Variants in GRXCR2 observed in about 807,000 individuals in gnomAD.
GRXCR2 encodes the protein glutaredoxin and cysteine rich domain containing 2, also known as glutaredoxin domain-containing cysteine-rich protein 2.
Under a neutral mutation model 24.8 loss-of-function variants are expected in GRXCR2, and 23 were observed. That is an observed-to-expected ratio of 0.93 (90% confidence interval 0.67 to 1.32). The LOEUF is 1.32. GRXCR2 is among the 40% of genes most tolerant of loss of function. GRXCR2 has a pLI of 0.00. For missense variants in GRXCR2, 315 were observed against 303.4 expected (o/e 1.04, Z -0.28); for synonymous variants, 130 against 116.1 (o/e 1.12, Z -0.77).
intron 2 of GRXCR2, among the ~76,000 whole-genome samples, chr5:145,879,464 C>T (rs1006458335): frequency 1.1e-4 from 16 of 151,272 alleles, no homozygotes; most frequent in African/African-American, 2.7e-4. Context: ...AAGGCCATTA[C>T]ATAATGGTAA....
intron 2 of GRXCR2, among the ~76,000 whole-genome samples, chr5:145,879,971 A>G (rs1007273234): frequency 6.6e-6 from 1 of 152,224 alleles, no homozygotes; most frequent in African/African-American, 2.4e-5. Context: ...TGAAGGCAGA[A>G]ATAAAGATGT....
intron 2 of GRXCR2, among the ~76,000 whole-genome samples, chr5:145,894,475 C>A (rs918910267): frequency 1.3e-5 from 2 of 152,140 alleles, no homozygotes; most frequent in African/African-American, 4.8e-5. Context: ...CACAGAAATA[C>A]AAACTACCAT....
At chr5:145,905,641 A>C (rs1403878240) in intron 2 of GRXCR2, among the ~76,000 whole-genome samples, 1 of 152,192 alleles carries the variant, frequency 6.6e-6, no homozygotes, top group Non-Finnish European at 1.5e-5. Context: ...AGATGGAGGG[A>C]ATAAATAATT....
At position 145,871,076 on chromosome 5, in the gene GRXCR2, A is replaced by G. The variant is rs72816454; in HGVS notation, c.336+1557T>C. 4.1e-3 allele frequency among the ~76,000 whole-genome samples: 626 copies of G among 152,214 alleles called. 2 individuals carry two copies. Among genetic ancestry groups the G allele is most frequent in the Non-Finnish European group, 6.7e-3 (455 of 68,024 alleles). ...ACAGATGAGACCCTGTCTCTAAAAAAGAAAAAAAAAATTATACATTTTCAT... is the reference window on the plus strand; with the variant it reads ...ACAGATGAGACCCTGTCTCTAAAAAGGAAAAAAAAAATTATACATTTTCAT... On this transcript the variant is annotated intron_variant, in intron 1 of 2. Transcript: ENST00000377976.
At chr5:145,924,538 G>A (rs752288083) in intron 2 of GRXCR2, among the ~76,000 whole-genome samples, 6 of 152,038 alleles carry the variant, frequency 3.9e-5, no homozygotes, top group Non-Finnish European at 7.4e-5. Flanking sequence ...TCTACTGAAC[G>A]GAACCAAAAA....
chr5:145,874,435 C>T (rs1483628708), upstream of GRXCR2, among the ~76,000 whole-genome samples: 2 of 152,090 alleles, frequency 1.3e-5, no homozygotes, highest in Non-Finnish European at 2.9e-5. Flanking sequence ...ATCTCTTGAC[C>T]TCGTGATCCG....
intron 2 of GRXCR2, among the ~76,000 whole-genome samples, chr5:145,880,308 T>C (rs1471197718): frequency 4.6e-5 from 7 of 151,348 alleles, no homozygotes; most frequent in Non-Finnish European, 1.0e-4. Context: ...GCAAGACTAA[T>C]AAAGAAGAAA....
intron 2 of GRXCR2, among the ~76,000 whole-genome samples, chr5:145,925,709 T>C (rs1757383651): frequency 1.3e-5 from 2 of 152,136 alleles, no homozygotes; most frequent in African/African-American, 4.8e-5. Context: ...AACAAGTGAG[T>C]AAATAATGAA....
At chr5:145,916,877 A>G (rs926594569) in intron 2 of GRXCR2, among the ~76,000 whole-genome samples, 3 of 152,166 alleles carry the variant, frequency 2.0e-5, no homozygotes, top group Non-Finnish European at 4.4e-5. Context: ...GACCACTGTC[A>G]TCACCTTTTT....
At chr5:145,901,685 T>G (rs1757023290) in intron 2 of GRXCR2, among the ~76,000 whole-genome samples, 1 of 151,996 alleles carries the variant, frequency 6.6e-6, no homozygotes, top group South Asian at 2.1e-4. Context: ...GAAGCACCCT[T>G]GAGTAGATGA....
At chr5:145,899,896 A>T (rs2149922160) in intron 2 of GRXCR2, among the ~76,000 whole-genome samples, 1 of 152,266 alleles carries the variant, frequency 6.6e-6, no homozygotes, top group South Asian at 2.1e-4. Flanking sequence ...CAAAAACAAA[A>T]ACTGATAAAT....
intron 2 of GRXCR2, among the ~76,000 whole-genome samples, chr5:145,923,194 G>A (rs1298035580): frequency 6.6e-6 from 1 of 152,158 alleles, no homozygotes; most frequent in Non-Finnish European, 1.5e-5. Flanking sequence ...CTGGTTTCCA[G>A]GTACACTGAT....
intron 2 of GRXCR2, among the ~76,000 whole-genome samples, chr5:145,889,262 T>C (rs1006145659): frequency 6.7e-6 from 1 of 148,178 alleles, no homozygotes; most frequent in Non-Finnish European, 1.5e-5. Context: ...CAATGGACTC[T>C]GGGGACTTGG....
At chr5:145,867,958 G>A (rs1383979293) in intron 1 of GRXCR2, among the ~76,000 whole-genome samples, 1 of 152,042 alleles carries the variant, frequency 6.6e-6, no homozygotes, top group East Asian at 1.9e-4. Context: ...TAAACCTAGT[G>A]ATGTAAGAGT....
intron 2 of GRXCR2, among the ~76,000 whole-genome samples, chr5:145,879,644 G>C (rs1475352451): frequency 2.6e-5 from 4 of 152,168 alleles, no homozygotes; most frequent in Non-Finnish European, 4.4e-5. Flanking sequence ...ACAGATTAAT[G>C]AGACAGAAGG....
At chr5:145,866,041 C>G (rs1756423256) in intron 2 of GRXCR2, among the ~76,000 whole-genome samples, 1 of 149,118 alleles carries the variant, frequency 6.7e-6, no homozygotes, top group South Asian at 2.1e-4. Context: ...GAGGCTGAGG[C>G]AGGAGAATCA....
upstream of GRXCR2, among the ~76,000 whole-genome samples, chr5:145,874,794 C>T (rs1440182531): frequency 6.6e-6 from 1 of 152,244 alleles, no homozygotes; most frequent in African/African-American, 2.4e-5. Context: ...TCCTTCCTTT[C>T]CAGCCTTGCC....
chr5:145,916,480 C>T (rs1301734776), intron 2 of GRXCR2, among the ~76,000 whole-genome samples: 1 of 152,134 alleles, frequency 6.6e-6, no homozygotes, highest in Non-Finnish European at 1.5e-5. Flanking sequence ...AGGCCCCAGG[C>T]TGAACCCTGA....
At chr5:145,886,628 A>C (rs1389613978) in intron 2 of GRXCR2, among the ~76,000 whole-genome samples, 1 of 152,166 alleles carries the variant, frequency 6.6e-6, no homozygotes, top group Non-Finnish European at 1.5e-5. Flanking sequence ...ATCACACAGA[A>C]AAGCAAAAAG....
Sources: gnomAD v4.1 joint callset for allele counts (sites outside exome capture counted in the v4.1 genomes callset) on GRCh38, gnomAD v4.1.1 for gene constraint, MANE v1.5 for transcripts, NCBI Gene and HGNC (gene_info 2026-07-23, HGNC 2026-07-21) for gene names.